The following TELO2 variants were observed in gnomAD, a reference collection of about 807,000 sequenced individuals.
The protein encoded by TELO2 is telomere length regulation protein TEL2 homolog.
TELO2 carries 71 observed loss-of-function variants against 91.0 expected under a neutral mutation model. The ratio of observed to expected loss-of-function variants is 0.78; its 90% CI spans 0.64 to 0.95. TELO2 has a LOEUF of 0.95. TELO2 is among the 40% of genes least tolerant of loss of function. TELO2 has a pLI of 0.00. For synonymous variants in TELO2, 584 were observed against 518.9 expected, an observed-to-expected ratio of 1.13 and a Z score of -1.71; for missense variants, 1,183 against 1,141.3, an observed-to-expected ratio of 1.04 and a Z score of -0.53.
intron 3 of TELO2, 104 bp from the exon 4 acceptor site, chr16:1,496,932 C>A: frequency 8.7e-7 from 1 of 1,150,598 alleles, no homozygotes; most frequent in Non-Finnish European, 1.3e-6. Context: ...GTGAGTTTTG[C>A]TGTCGGTTGG....
intron 3 of TELO2, among the ~76,000 whole-genome samples, chr16:1,496,204 C>T (rs1009585528): frequency 6.6e-6 from 1 of 152,216 alleles, no homozygotes; most frequent in African/African-American, 2.4e-5. Flanking sequence ...CGGACTCCAC[C>T]CTCCACATGC....
Position 1,502,964 on chromosome 16 carries a change from C to T in TELO2, c.1804C>T (p.Leu602Phe), listed in dbSNP as rs769681361. The part of the protein sequence containing the change: ...ADYLTSQFYA[L>F]NYSLRQRMDI... ...CTATCTGACCTCACAGTTCTATGCCCTCAACTACAGCCTCCGGCAGCGCAT... is the reference window on the plus strand; with the variant it reads ...CTATCTGACCTCACAGTTCTATGCCTTCAACTACAGCCTCCGGCAGCGCAT... Residue 602 changes from leucine (L) to phenylalanine (F), a missense_variant, in exon 15 of 21, where the codon CTC (leucine) becomes TTC (phenylalanine). Leu to Phe is a conservative substitution (Grantham distance 22). Transcript: ENST00000262319. 43 of 1,611,302 alleles carry T rather than the reference C, an allele frequency of 2.7e-5. No homozygotes were observed. The East Asian group carries it at 9.4e-4, about 35-fold the overall frequency.
intron 15 of TELO2, among the ~76,000 whole-genome samples, chr16:1,504,894 C>T (rs960273310): frequency 2.6e-5 from 4 of 152,064 alleles, no homozygotes; most frequent in South Asian, 2.1e-4. Flanking sequence ...AGTCCCAGAG[C>T]GTCCTTATCA....
chr16:1,500,581 TG>T lies in TELO2; in HGVS notation c.1165del (p.Ala389ArgfsTer3), dbSNP rs1567298602. 1 of 1,611,986 alleles carries T rather than the reference TG, an allele frequency of 6.2e-7. No individual in the cohort carries two copies. The highest frequency in any genetic ancestry group is 1.1e-5 in the South Asian group (1 of 90,990). The part of the protein sequence containing the change: ...DSRDELLASM[M>X]AGVKCRLDSS... ...CTTGCAGAACTGCTGGCCAGCATGA[TG>T]GCGGGCGTGAAGTGCCGCCTGGACA... is the stretch of plus-strand genomic sequence containing the variant. On this transcript the variant is annotated frameshift_variant, in exon 9 of 21. Coordinates refer to ENST00000262319, the MANE Select transcript of TELO2 (RefSeq NM_016111.4). LOFTEE classifies it high-confidence loss of function.
intron 3 of TELO2, 62 bp downstream of exon 3, chr16:1,495,685 A>AC: frequency 2.0e-6 from 3 of 1,521,796 alleles, no homozygotes; most frequent in Non-Finnish European, 2.6e-6. Context: ...GTCCCCTGCC[A>AC]CCCTCTGGTG....
chr16:1,501,010 C>T (rs1466672316), intron 9 of TELO2, among the ~76,000 whole-genome samples: 1 of 152,244 alleles, frequency 6.6e-6, no homozygotes, highest in East Asian at 1.9e-4. Context: ...CCGGCCGGGG[C>T]TGCAGGGCAG....
chr16:1,505,583 G>C lies in TELO2; in HGVS notation c.2016G>C (p.Lys672Asn). 1 of 1,534,480 alleles carries C rather than the reference G, an allele frequency of 6.5e-7. No homozygotes were observed. Among genetic ancestry groups the C allele is most frequent in the Non-Finnish European group, 8.8e-7 (1 of 1,133,292 alleles). ...TGGTGGAGGAGCGGATCAGAAGCAAGACCCAGCGGCTCTCCAAGGTTAGTG... is the reference window on the plus strand; with the variant it reads ...TGGTGGAGGAGCGGATCAGAAGCAACACCCAGCGGCTCTCCAAGGTTAGTG... ...RVVVEERIRS[K>N]TQRLSKGGPR... The change falls in exon 16 of 21, where the codon AAG becomes AAC. Residue 672 changes from lysine (K) to asparagine (N), a missense_variant. By Grantham distance (94) the Lys-to-Asn change is moderately conservative. Coordinates refer to ENST00000262319, the MANE Select transcript of TELO2 (RefSeq NM_016111.4). The surrounding 1 kb of genome is among the most constrained non-coding windows in gnomAD (Gnocchi z 4.3).
Position 1,497,270 on chromosome 16 carries a change from A to T in TELO2, c.683-91A>T. 2 of 1,488,630 alleles carry T rather than the reference A, an allele frequency of 1.3e-6. No individual in the cohort carries two copies. The highest frequency in any genetic ancestry group is 1.8e-6 in the Non-Finnish European group (2 of 1,111,924). 92.2% of individuals were successfully genotyped at this position (1,488,630 alleles called of 1,614,324 possible). ...TGGGGCTCAGCTGTGCTTACTGGGG[A>T]GCTGTGGGACTGTCCTTGCTGGACC... is the stretch of plus-strand genomic sequence containing the variant. On this transcript the variant is annotated intron_variant, in intron 4 of 20. Coordinates refer to ENST00000262319, the MANE Select transcript of TELO2 (RefSeq NM_016111.4). This position sits in a 1 kb window ranked among gnomAD's most constrained non-coding sequence, Gnocchi z 4.0.
Position 1,509,990 on chromosome 16 carries a change from GC to G in TELO2, c.*55del. 6.8e-7 allele frequency: 1 copy of G among 1,476,902 alleles called. No homozygotes were observed. Among genetic ancestry groups the G allele is most frequent in the African/African-American group, 1.4e-5 (1 of 71,662 alleles). 91.5% of individuals were successfully genotyped at this position (1,476,902 alleles called of 1,614,324 possible). A position where few individuals can be genotyped will look rare whatever the true frequency, so the allele number is the denominator to read the frequency against. ...CGCCGACAGCAAGGCAGGCGGCTGA[GC>G]AGCGGCCTGGAGCAGCAGAGCCAGG... On this transcript the variant is annotated 3_prime_UTR_variant, in exon 21 of 21. Transcript: ENST00000262319.
At chr16:1,500,074 C>G (rs2039620790) in intron 6 of TELO2, 22 bp from the exon 7 acceptor site, 2 of 1,603,698 alleles carry the variant, frequency 1.2e-6, no homozygotes, top group African/African-American at 1.3e-5. Flanking sequence ...GCCCAGTGGA[C>G]AGGCATGTGC....
rs372859815 is a variant in TELO2, at chr16:1,497,522, C to G, written c.830+14C>G. 3.9e-6 allele frequency: 6 copies of G among 1,545,164 alleles called. No individual in the cohort carries two copies. The highest frequency in any genetic ancestry group is 5.2e-6 in the Non-Finnish European group (6 of 1,148,754). The stretch of plus-strand genomic sequence containing the variant: ...GGCCGCACTGGGGTAAGCAGCCAGG[C>G]TGTCCTCCAGCTGCACTGGCTTCTG... On this transcript the variant is annotated intron_variant, in intron 5 of 20. Transcript: ENST00000262319. This position sits in a 1 kb window ranked among gnomAD's most constrained non-coding sequence, Gnocchi z 4.0.
chr16:1,502,047 CGAT>C lies in TELO2; in HGVS notation c.1479_1481del (p.Asp493del). ...TCATGTCTGCTTTGCTCTCCCACAG[CGAT>C]GATGAGTTTGTCCCCTACGACATGT... is the stretch of plus-strand genomic sequence containing the variant. On this transcript the variant is annotated inframe_deletion and splice_region_variant, in exon 12 of 21. Coordinates refer to ENST00000262319, the MANE Select transcript of TELO2 (RefSeq NM_016111.4). 1 of 1,613,326 alleles carries C rather than the reference CGAT, an allele frequency of 6.2e-7. No homozygotes were observed. Among genetic ancestry groups the C allele is most frequent in the Non-Finnish European group, 8.5e-7 (1 of 1,179,968 alleles).
At chr16:1,498,383 A>C (rs1266120435) in intron 5 of TELO2, among the ~76,000 whole-genome samples, 1 of 152,108 alleles carries the variant, frequency 6.6e-6, no homozygotes, top group African/African-American at 2.4e-5. Flanking sequence ...TTTCTCTGTG[A>C]ACTATATAAT....
In TELO2 at chr16:1,494,429, GAGA is replaced by G; in HGVS notation, c.151_153del (p.Lys51del). Reference sequence around the variant, plus strand: ...GATGGAGCCTCCAGCGCTCCCGAGGGAGAAGGAGGAGTTTGCCTCGGCCCACTT... The same window carrying G: ...GATGGAGCCTCCAGCGCTCCCGAGGGAGGAGGAGTTTGCCTCGGCCCACTT... On this transcript the variant is annotated inframe_deletion, in exon 2 of 21. Coordinates refer to ENST00000262319, the MANE Select transcript of TELO2 (RefSeq NM_016111.4). The surrounding 1 kb of genome is among the most constrained non-coding windows in gnomAD (Gnocchi z 5.6). 4 of 1,613,504 alleles carry G rather than the reference GAGA, an allele frequency of 2.5e-6. No individual in the cohort carries two copies. Among genetic ancestry groups the G allele is most frequent in the Non-Finnish European group, 3.4e-6 (4 of 1,180,000 alleles).
At position 1,500,107 on chromosome 16, in the gene TELO2, G is replaced by T; in HGVS notation, c.945G>T (p.Leu315=). ...FLQSRLTTPM[L]QSLLGHLAMD... ...TGCTTTTATTGCAGACGCCCATGCT[G>T]CAGAGCCTGCTGGGCCATCTGGCCA... The change falls in exon 7 of 21, where the codon CTG becomes CTT. Residue 315 remains leucine (L), a synonymous_variant. Transcript: ENST00000262319. 1 of 1,609,032 alleles carries T rather than the reference G, an allele frequency of 6.2e-7. No individual in the cohort carries two copies. Among genetic ancestry groups the T allele is most frequent in the Admixed American group, 1.7e-5 (1 of 59,946 alleles).
chr16:1,500,077 G>T lies in TELO2; in HGVS notation c.934-19G>T. On this transcript the variant is annotated intron_variant, in intron 6 of 20. Transcript: ENST00000262319. ...GCGGCGGCCTCAGCCCAGTGGACAG[G>T]CATGTGCTTTTATTGCAGACGCCCA... 6.2e-7 allele frequency: 1 copy of T among 1,606,780 alleles called. No individual in the cohort carries two copies. The highest frequency in any genetic ancestry group is 8.5e-7 in the Non-Finnish European group (1 of 1,177,812).
chr16:1,508,117 T>C (rs1354367971), intron 20 of TELO2, among the ~76,000 whole-genome samples: 2 of 144,334 alleles, frequency 1.4e-5, no homozygotes, highest in African/African-American at 5.0e-5. Flanking sequence ...CTCCGGCCGG[T>C]GCAGTCCTGG....
chr16:1,507,258 TG>T, intron 18 of TELO2, 47 bp from the exon 19 acceptor site: 1 of 1,596,452 alleles, frequency 6.3e-7, no homozygotes, highest in Non-Finnish European at 8.5e-7. Flanking sequence ...TGCTGGGATG[TG>T]GGGACGGCGT....
intron 10 of TELO2, 35 bp from the exon 11 acceptor site, chr16:1,501,628 C>T (rs201482734): frequency 0.01 from 16,548 of 1,584,608 alleles, 122 homozygotes; most frequent in Non-Finnish European, 0.012. Flanking sequence ...GCTCGAGGGG[C>T]CCCTAAAGGA....
Sources: gnomAD v4.1 joint callset for allele counts (sites outside exome capture counted in the v4.1 genomes callset) on GRCh38, gnomAD v4.1.1 for gene constraint, Gnocchi (gnomAD v3.1) non-coding constraint, MANE v1.5 for transcripts, NCBI Gene and HGNC (gene_info 2026-07-23, HGNC 2026-07-21) for gene names.